CRNKL1: variants seen among roughly 807,000 people sequenced by gnomAD.
CRNKL1 encodes the protein crooked neck-like protein 1.
Under a neutral mutation model 103.7 loss-of-function variants are expected in CRNKL1, and 35 were observed. The observed-to-expected ratio is 0.34, with a 90% confidence interval of 0.26 to 0.45. CRNKL1 has a LOEUF of 0.45. CRNKL1 is among the 20% of genes least tolerant of loss of function. The pLI is 1.00. For missense variants in CRNKL1, 645 were observed against 836.0 expected (o/e 0.77, Z 2.82); for synonymous variants, 267 against 282.6 (o/e 0.94, Z 0.55).
chr20:20,054,023 T>TG (rs796573015), upstream of CRNKL1, among the ~76,000 whole-genome samples: 4 of 122,406 alleles, frequency 3.3e-5, no homozygotes, highest in Admixed American at 1.7e-4. Context: ...GTTTTTTTTT[T>TG]TTTTTTTTTT....
chr20:20,043,759 G>T (rs1425907264), intron 6 of CRNKL1, 97 bp from the exon 7 acceptor site: 2 of 1,144,314 alleles, frequency 1.7e-6, no homozygotes, highest in Non-Finnish European at 2.5e-6. Context: ...TTATAAGTTA[G>T]ATTTTGAGGC....
At chr20:20,044,315 G>A (rs559672018) in intron 6 of CRNKL1, among the ~76,000 whole-genome samples, 13 of 152,224 alleles carry the variant, frequency 8.5e-5, no homozygotes, top group South Asian at 6.2e-4. Flanking sequence ...CCACTGGCCC[G>A]AACAGAATCT....
upstream of CRNKL1, among the ~76,000 whole-genome samples, chr20:20,053,623 A>G (rs1056691099): frequency 3.3e-5 from 5 of 152,230 alleles, no homozygotes; most frequent in Admixed American, 6.5e-5. Context: ...CAATGCAGAT[A>G]TTACTTTCAA....
chr20:20,042,563 G>A (rs2043532861), intron 7 of CRNKL1, 47 bp from the exon 8 acceptor site: 1 of 1,538,022 alleles, frequency 6.5e-7, no homozygotes, highest in Admixed American at 2.0e-5. Context: ...ACCAAGAGCT[G>A]CACTTGCCAG....
chr20:20,041,695 AT>A, intron 8 of CRNKL1, 70 bp from the exon 9 acceptor site: 1 of 1,123,546 alleles, frequency 8.9e-7, no homozygotes, highest in Non-Finnish European at 1.3e-6. Context: ...CTAGTTACTA[AT>A]TTTACTGATA....
upstream of CRNKL1, chr20:20,052,619 G>A (rs545269988): frequency 3.1e-6 from 5 of 1,613,708 alleles, no homozygotes; most frequent in African/African-American, 6.7e-5. Context: ...GACTAGCAGC[G>A]ACGCAAGGAC....
intron 2 of CRNKL1, among the ~76,000 whole-genome samples, chr20:20,049,765 A>AAGTCTTC (rs1250564199): frequency 1.3e-5 from 2 of 152,058 alleles, no homozygotes. Context: ...TCAGATCCCA[A>AAGTCTTC]AGTCTTCTCA....
intron 1 of CRNKL1, among the ~76,000 whole-genome samples, chr20:20,051,111 G>C (rs2043710627): frequency 6.6e-6 from 1 of 152,150 alleles, no homozygotes; most frequent in Admixed American, 6.5e-5. Context: ...AGCTTCTTGA[G>C]GTCTTAGAAG....
chr20:20,049,976 C>T (rs1486167142), intron 2 of CRNKL1, among the ~76,000 whole-genome samples: 2 of 152,146 alleles, frequency 1.3e-5, no homozygotes, highest in East Asian at 1.9e-4. Context: ...TGCCACCACG[C>T]CTGGCTAATT....
chr20:20,052,696 C>G (rs747537691), upstream of CRNKL1: 186 of 1,612,070 alleles, frequency 1.2e-4, no homozygotes, highest in Non-Finnish European at 1.4e-4. Flanking sequence ...CAGGCGAGGA[C>G]GAGTGGCTCT....
At chr20:20,052,262 C>T (rs916589352) in intron 1 of CRNKL1, 30 bp downstream of exon 1, 14 of 1,581,632 alleles carry the variant, frequency 8.9e-6, no homozygotes, top group East Asian at 2.2e-5. Context: ...TCCTAGGCCA[C>T]CTCCTACAAG....
upstream of CRNKL1, chr20:20,052,853 C>G (rs2043857524): frequency 1.2e-6 from 1 of 841,722 alleles, no homozygotes; most frequent in South Asian, 1.8e-5. Context: ...ATGCCTCGAG[C>G]ATTGCATTCT....
In CRNKL1 at chr20:20,047,883, G is replaced by C. The variant is rs761749962; in HGVS notation, c.504C>G (p.Ala168=). 6.2e-7 allele frequency: 1 copy of C among 1,614,224 alleles called. No homozygotes were observed. Among genetic ancestry groups the C allele is most frequent in the Admixed American group, 1.7e-5 (1 of 60,036 alleles). The change falls in exon 5 of 14, where the codon GCC becomes GCG. Residue 168 remains alanine, a synonymous_variant. Transcript: ENST00000536226. ...MEEMLGNVAG[A]RQVFERWMEW... is the part of the protein sequence containing the mutation. ...CCATCCAGCGCTCAAACACCTGCCGGGCACCGGCAACGTTTCCCAACATTT... is the reference window on the plus strand; with the variant it reads ...CCATCCAGCGCTCAAACACCTGCCGCGCACCGGCAACGTTTCCCAACATTT...
rs6035528 is a variant in CRNKL1 at position 20,037,173 on chromosome 20, A to C, written c.1896+150T>G. ...ACCATATGTTCTACCCCGTGTTTCC[A>C]TAACAGCCAGATTGCAACCATCTCC... On this transcript the variant is annotated intron_variant, in intron 13 of 13. Coordinates refer to ENST00000536226, the MANE Select transcript of CRNKL1 (RefSeq NM_001278628.2). 3.0e-3 allele frequency: 2,893 copies of C among 950,112 alleles called. 49 individuals carry two copies. The African/African-American group carries it at 0.04, about 13-fold the overall frequency. 58.9% of individuals were successfully genotyped at this position (950,112 alleles called of 1,614,324 possible).
chr20:20,042,207 A>G (rs972836077), intron 8 of CRNKL1, 118 bp downstream of exon 8: 2 of 899,030 alleles, frequency 2.2e-6, no homozygotes, highest in Admixed American at 6.3e-5. Flanking sequence ...ACAGAAGCCT[A>G]TAAAAATTTA....
chr20:20,037,596 C>T, intron 12 of CRNKL1, 25 bp from the exon 13 acceptor site: 2 of 1,602,248 alleles, frequency 1.2e-6, no homozygotes, highest in South Asian at 2.2e-5. Context: ...ATTATTGAAC[C>T]AAATTAACCA....
rs1470384917 is a variant in CRNKL1 at position 20,039,514 on chromosome 20, G to A, written c.1545+95C>T. The A allele has an allele frequency of 1.9e-5, 27 of 1,431,564 alleles. No homozygotes were observed. In the East Asian group the frequency reaches 3.2e-4, roughly 17 times the overall value. 88.7% of individuals were successfully genotyped at this position (1,431,564 alleles called of 1,614,324 possible). ...AAGAGACTAAGTTAGTTAGATCATC[G>A]TTATACTCTAAAATACACCCACATT... On this transcript the variant is annotated intron_variant, in intron 11 of 13. Coordinates refer to ENST00000536226, the MANE Select transcript of CRNKL1 (RefSeq NM_001278628.2).
rs2043439272 is a variant in CRNKL1, at chr20:20,037,470, G to A, written c.1749C>T (p.Asn583=). 3 of 1,614,094 alleles carry A rather than the reference G, an allele frequency of 1.9e-6. No individual in the cohort carries two copies. Among genetic ancestry groups the A allele is most frequent in the Non-Finnish European group, 1.7e-6 (2 of 1,180,026 alleles). ...IYEEANKTMR[N]CEEKEERLML... is the part of the protein sequence containing the mutation. ...TAAGTCTCTCTTCCTTTTCTTCACA[G>A]TTTCGCATGGTTTTGTTAGCTTCTT... The change falls in exon 13 of 14, where the codon AAC becomes AAT. Residue 583 remains asparagine, a synonymous_variant. Transcript: ENST00000536226.
At chr20:20,053,845 G>A (rs375372984), upstream of CRNKL1, among the ~76,000 whole-genome samples, 160 of 152,162 alleles carry the variant, frequency 1.1e-3, no homozygotes, top group Admixed American at 2.0e-3. Flanking sequence ...CCTTAAATGT[G>A]TTACTGTAAA....
Sources: allele counts gnomAD v4.1 joint callset (sites outside exome capture counted in the v4.1 genomes callset), GRCh38; gene constraint gnomAD v4.1.1; transcripts MANE v1.5; gene names NCBI Gene and HGNC (gene_info 2026-07-23, HGNC 2026-07-21).